Variants in LRRC53 observed in about 807,000 individuals in gnomAD.
LRRC53 encodes leucine-rich repeat-containing protein 53.
Under a neutral mutation model 13.6 loss-of-function variants are expected in LRRC53, and 25 were observed. That is an observed-to-expected ratio of 1.83 (90% CI 1.34 to 2.56). LRRC53 has a LOEUF of 2.56. Among genes scored for constraint, LRRC53 ranks in the 30% most tolerant of loss-of-function variants. The pLI, the probability that LRRC53 is intolerant of heterozygous loss-of-function variation, is 0.00. For synonymous variants in LRRC53, 204 were observed against 109.8 expected (o/e 1.86, Z -5.37); for missense variants, 527 against 275.8 (o/e 1.91, Z -6.45).
intron 1 of LRRC53, among the ~76,000 whole-genome samples, chr1:74,487,186 A>G (rs1204092187): frequency 5.3e-5 from 8 of 152,154 alleles, no homozygotes; most frequent in Non-Finnish European, 1.5e-5. Context: ...AGATTAAACA[A>G]TACAGAAGGA....
At chr1:74,474,727 A>T (rs1189379220) in intron 4 of LRRC53, among the ~76,000 whole-genome samples, 1 of 152,154 alleles carries the variant, frequency 6.6e-6, no homozygotes. Context: ...TGTCACGGCC[A>T]GATTCACTTG....
At chr1:74,478,692 C>T (rs997326753) in intron 3 of LRRC53, among the ~76,000 whole-genome samples, 1 of 152,180 alleles carries the variant, frequency 6.6e-6, no homozygotes, top group South Asian at 2.1e-4. Context: ...ACCTGTTTCA[C>T]TTTGCTTAAC....
chr1:74,509,094 T>C (rs1268210518), intron 1 of LRRC53, among the ~76,000 whole-genome samples: 2 of 152,200 alleles, frequency 1.3e-5, no homozygotes, highest in Non-Finnish European at 2.9e-5. Context: ...TCTTCTTCTT[T>C]TTATCACTTA....
At chr1:74,483,698 TCTGCAAC>T (rs1037273789) in intron 1 of LRRC53, among the ~76,000 whole-genome samples, 13 of 152,204 alleles carry the variant, frequency 8.5e-5, no homozygotes, top group African/African-American at 2.4e-4. Context: ...TTCTTTTAAT[TCTGCAAC>T]CCAATTGGAG....
At chr1:74,519,388 G>A in the LRRC53 span, among the ~76,000 whole-genome samples, 1 of 120,610 alleles carries the variant, frequency 8.3e-6, no homozygotes, top group Non-Finnish European at 1.6e-5. Context: ...ACTCATTTGG[G>A]TATATACCCA....
intron 1 of LRRC53, among the ~76,000 whole-genome samples, chr1:74,488,493 T>G (rs996268182): frequency 6.6e-6 from 1 of 152,222 alleles, no homozygotes. Context: ...TTTTAGGATC[T>G]GACAAAAGAA....
intron 2 of LRRC53, among the ~76,000 whole-genome samples, chr1:74,482,571 G>T (rs1012747820): frequency 2.0e-5 from 3 of 152,090 alleles, no homozygotes; most frequent in African/African-American, 7.2e-5. Flanking sequence ...TGGGATATTA[G>T]AAATGGAAGA....
chr1:74,518,762 G>T, the LRRC53 span, among the ~76,000 whole-genome samples: 1 of 151,606 alleles, frequency 6.6e-6, no homozygotes, highest in African/African-American at 2.4e-5. Flanking sequence ...ATAAGTAAAG[G>T]GTGTGTTTTT....
the LRRC53 span, among the ~76,000 whole-genome samples, chr1:74,534,873 G>A: frequency 3.3e-5 from 5 of 152,230 alleles, no homozygotes; most frequent in Non-Finnish European, 5.9e-5. Flanking sequence ...AAATGGAAAT[G>A]TAGTTCCTCC....
rs1385315781 is a variant in LRRC53, at chr1:74,475,292, C to T, written c.1420+3G>A. ...GGGATTTTCTAAAACAAGACAAACT[C>T]ACCTTCTGTTCTTATTATATGGTGT... On this transcript the variant is annotated splice_donor_region_variant and intron_variant, in intron 4 of 4. Transcript: ENST00000294635. The T allele has an allele frequency of 3.2e-6, 2 of 634,656 alleles. No homozygotes were observed. The highest frequency in any genetic ancestry group is 5.8e-6 in the Non-Finnish European group (2 of 346,622). The allele number at this position is 634,656 out of a possible 1,614,324, so 39.3% of individuals were successfully genotyped here.
At chr1:74,489,333 A>T (rs1212917718) in intron 1 of LRRC53, 3 of 1,413,148 alleles carry the variant, frequency 2.1e-6, no homozygotes, top group Non-Finnish European at 2.9e-6. Context: ...GCTGGTGCTT[A>T]TGAAAAGTTA....
Position 74,470,148 on chromosome 1 carries a change from T to G in LRRC53, c.3474A>C (p.Val1158=), listed in dbSNP as rs926547650. 6 of 400,644 alleles carry G rather than the reference T, an allele frequency of 1.5e-5. No individual in the cohort carries two copies. The highest frequency in any genetic ancestry group is 4.4e-5 in the Admixed American group (1 of 22,722). 24.8% of individuals were successfully genotyped at this position (400,644 alleles called of 1,614,324 possible). ...ETQNRILCSE[V]DPEVNSNVHN... ...GTACATTACTGTTAACTTCAGGATC[T>G]ACTTCACTGCAAAGTATTCTATTTT... The change falls in exon 5 of 5, where the codon GTA becomes GTC. Residue 1158 remains valine, a synonymous_variant. Coordinates refer to ENST00000294635, the MANE Select transcript of LRRC53 (RefSeq NM_001382280.1).
the LRRC53 span, among the ~76,000 whole-genome samples, chr1:74,520,219 C>G: frequency 6.6e-6 from 1 of 151,956 alleles, no homozygotes; most frequent in South Asian, 2.1e-4. Flanking sequence ...TCCTCATATA[C>G]CTTGATTATA....
the LRRC53 span, among the ~76,000 whole-genome samples, chr1:74,517,696 A>T: frequency 1.2e-3 from 176 of 152,330 alleles, 2 homozygotes; most frequent in African/African-American, 3.9e-3. Context: ...TGTCTTGTGT[A>T]AAGAGTACGA....
At chr1:74,533,110 C>A in the LRRC53 span, among the ~76,000 whole-genome samples, 1 of 152,136 alleles carries the variant, frequency 6.6e-6, no homozygotes, top group Non-Finnish European at 1.5e-5. Context: ...AAAGAAAGTA[C>A]CGTCAGAGTG....
Position 74,471,673 on chromosome 1 carries a change from CTATT to C in LRRC53, c.1945_1948del (p.Asn649GlyfsTer3). 6 of 400,718 alleles carry C rather than the reference CTATT, an allele frequency of 1.5e-5. No homozygotes were observed. The highest frequency in any genetic ancestry group is 4.4e-6 in the Non-Finnish European group (1 of 226,290). 24.8% of individuals were successfully genotyped at this position (400,718 alleles called of 1,614,324 possible). A position where few individuals can be genotyped will look rare whatever the true frequency, so the allele number is the denominator to read the frequency against. The stretch of plus-strand genomic sequence containing the variant: ...TGATATTTTGGGTGACATCATCGAC[CTATT>C]TATTTCTACTAAATCAGGATCATGG... On this transcript the variant is annotated frameshift_variant, in exon 5 of 5. Transcript: ENST00000294635. LOFTEE classifies it low-confidence loss of function (END_TRUNC).
At chr1:74,505,348 C>G (rs1669839128) in intron 1 of LRRC53, among the ~76,000 whole-genome samples, 1 of 152,208 alleles carries the variant, frequency 6.6e-6, no homozygotes, top group Non-Finnish European at 1.5e-5. Flanking sequence ...CCTCGCCCTG[C>G]TCCCTCCTGA....
intron 4 of LRRC53, among the ~76,000 whole-genome samples, chr1:74,473,635 C>T (rs1271134895): frequency 6.6e-6 from 1 of 151,830 alleles, no homozygotes; most frequent in Non-Finnish European, 1.5e-5. Flanking sequence ...GATACTCCAT[C>T]TCCAATTTTC....
chr1:74,475,118 A>ACACG (rs1172131994), intron 4 of LRRC53, among the ~76,000 whole-genome samples, 177 bp downstream of exon 4: 5 of 124,060 alleles, frequency 4.0e-5, no homozygotes, highest in Non-Finnish European at 1.6e-5. Context: ...ACCTCAGCCC[A>ACACG]CACACACACA....
Sources: gnomAD v4.1 joint callset for allele counts (sites outside exome capture counted in the v4.1 genomes callset) on GRCh38, gnomAD v4.1.1 for gene constraint, MANE v1.5 for transcripts, NCBI Gene and HGNC (gene_info 2026-07-23, HGNC 2026-07-21) for gene names.